Variants in PCNX3 observed in about 807,000 individuals in gnomAD.
The protein encoded by PCNX3 is pecanex-like protein 3.
In PCNX3, 58 loss-of-function variants were observed where a neutral mutation model predicts 207.2. The ratio of observed to expected loss-of-function variants is 0.28; its 90% CI spans 0.23 to 0.35. PCNX3 has a LOEUF of 0.35. PCNX3 is among the 10% of genes least tolerant of loss of function. PCNX3 has a pLI of 1.00. For synonymous variants in PCNX3, 1,337 were observed against 1,183.5 expected, an observed-to-expected ratio of 1.13 and a Z score of -2.66; for missense variants, 2,410 against 2,774.4, an observed-to-expected ratio of 0.87 and a Z score of 2.95.
intron 11 of PCNX3, among the ~76,000 whole-genome samples, chr11:65,622,908 T>C (rs1855184637): frequency 6.6e-6 from 1 of 151,654 alleles, no homozygotes; most frequent in African/African-American, 2.4e-5. Context: ...GGCCATCCTA[T>C]TCACTTTTTT....
In PCNX3 at chr11:65,623,973, T is replaced by C; in HGVS notation, c.2544+12T>C. ...CGTCCCCCATGCACGTGAGTACCCA[T>C]GGAGCAGCGCCTCTGGCCAGGAGGC... On this transcript the variant is annotated intron_variant, in intron 13 of 34. Coordinates refer to ENST00000355703, the MANE Select transcript of PCNX3 (RefSeq NM_032223.4). 6.2e-7 allele frequency: 1 copy of C among 1,610,946 alleles called. No individual in the cohort carries two copies. The highest frequency in any genetic ancestry group is 8.5e-7 in the Non-Finnish European group (1 of 1,179,820).
rs1854790149 is a variant in PCNX3, at chr11:65,617,260, G to A, written c.352G>A (p.Val118Met). The change falls in exon 3 of 35, where the codon GTG (valine) becomes ATG (methionine). Residue 118 changes from valine to methionine, a missense_variant. Transcript: ENST00000355703. ...CTTTTTCACCGCCAGGGACCCCGGAGTGGAGATGACAGTGTTCCGGAAAGT... is the reference window on the plus strand; with the variant it reads ...CTTTTTCACCGCCAGGGACCCCGGAATGGAGATGACAGTGTTCCGGAAAGT... Reference protein sequence around the residue: ...GDSNPPRDPGVEMTVFRKVSS... With the variant: ...GDSNPPRDPGMEMTVFRKVSS... 1 of 1,605,652 alleles carries A rather than the reference G, an allele frequency of 6.2e-7. No homozygotes were observed.
Position 65,619,061 on chromosome 11 carries a change from G to A in PCNX3, c.1699G>A (p.Gly567Arg), listed in dbSNP as rs1056323965. Residue 567 changes from glycine (G) to arginine (R), a missense_variant, in exon 6 of 35, where the codon GGG becomes AGG. This residue lies in a region of PCNX3 where 1,104 missense variants were observed against 970.3 expected (regional missense o/e 1.14). Transcript: ENST00000355703. ...GGAGCTGCAGGAGGAAGGTGCTGTG[G>A]GGGGAGGTGAGTGCTTGCTCTAGAG... ...RGELQEEGAV[G>R]GAAEETGRRD... is the part of the protein sequence containing the mutation. The A allele has an allele frequency of 6.3e-7, 1 of 1,588,836 alleles. No individual in the cohort carries two copies. The highest frequency in any genetic ancestry group is 1.1e-5 in the South Asian group (1 of 89,656).
chr11:65,624,490 C>T lies in PCNX3; in HGVS notation c.2736C>T (p.Pro912=). Residue 912 remains proline, a synonymous_variant, in exon 15 of 35, where the codon CCC becomes CCT. Transcript: ENST00000355703. ...TGCCAGTGTTCACCCTGTGCTTCCC[C>T]TTCGTCTTCCTCCTGGGCCTCCTGC... ...DVATVFTLCF[P]FVFLLGLLPQ... is the part of the protein sequence containing the mutation. 2 of 1,603,728 alleles carry T rather than the reference C, an allele frequency of 1.2e-6. No homozygotes were observed. Among genetic ancestry groups the T allele is most frequent in the Non-Finnish European group, 8.5e-7 (1 of 1,175,112 alleles).
At chr11:65,633,928 C>T (rs1384607351) in intron 27 of PCNX3, among the ~76,000 whole-genome samples, 198 bp from the exon 28 acceptor site, 1 of 152,254 alleles carries the variant, frequency 6.6e-6, no homozygotes, top group East Asian at 1.9e-4. Context: ...TTCCTGGCGG[C>T]TTTGTCACTC....
chr11:65,629,094 T>C, intron 24 of PCNX3, 146 bp downstream of exon 24: 8 of 1,275,332 alleles, frequency 6.3e-6, no homozygotes, highest in East Asian at 2.5e-5. Context: ...GCAGATCCAA[T>C]GCAGGGAGAG....
rs372706445 is a variant in PCNX3, at chr11:65,625,359, G to C, written c.3030-46G>C. 21 of 1,588,056 alleles carry C rather than the reference G, an allele frequency of 1.3e-5. No individual in the cohort carries two copies. In the South Asian group the frequency reaches 1.9e-4, roughly 14 times the overall value. ...TGTGCATGTGCCCGTGACTGGGGCCGGGGGGAAGGAGGGGCGGCCTCCTCC... is the reference window on the plus strand; with the variant it reads ...TGTGCATGTGCCCGTGACTGGGGCCCGGGGGAAGGAGGGGCGGCCTCCTCC... On this transcript the variant is annotated intron_variant, in intron 17 of 34. Transcript: ENST00000355703. The surrounding 1 kb of genome is among the most constrained non-coding windows in gnomAD (Gnocchi z 5.6).
rs375611306 is a variant in PCNX3, at chr11:65,618,530, C to T, written c.1168C>T (p.Arg390Trp). The change falls in exon 6 of 35, where the codon CGG becomes TGG. Residue 390 changes from arginine (R) to tryptophan (W), a missense_variant. By Grantham distance (101) the Arg-to-Trp change is moderately radical (BLOSUM62 -3). Around this residue, in one of 8 missense-constraint regions of PCNX3, gnomAD observed 1,104 missense variants for 970.3 expected, o/e 1.14. Coordinates refer to ENST00000355703, the MANE Select transcript of PCNX3 (RefSeq NM_032223.4). Reference protein sequence around the residue: ...VVRPKDLALLRPSKRQPPLRR... With the variant: ...VVRPKDLALLWPSKRQPPLRR... ...GCGGCCCAAGGACTTGGCCCTGCTA[C>T]GGCCTAGCAAACGGCAGCCACCCCT... The T allele has an allele frequency of 1.2e-5, 20 of 1,611,228 alleles. No homozygotes were observed. The highest frequency in any genetic ancestry group is 3.3e-5 in the South Asian group (3 of 90,992).
rs776500079 is a variant in PCNX3, at chr11:65,623,901, G to A, written c.2512-28G>A. On this transcript the variant is annotated intron_variant, in intron 12 of 34. Transcript: ENST00000355703. ...GACCATCCCGTGGGCATCGGCTCTA[G>A]TTGCCAACGTAGCCCTGTCTCTTCC... 3.1e-6 allele frequency: 5 copies of A among 1,612,496 alleles called. No homozygotes were observed. The South Asian group carries it at 5.5e-5, about 18-fold the overall frequency.
chr11:65,624,958 T>A lies in PCNX3; in HGVS notation c.2861T>A (p.Leu954His). The change falls in exon 16 of 35, where the codon CTC becomes CAC. Residue 954 changes from leucine (L) to histidine (H), a missense_variant. By Grantham distance (99) the Leu-to-His change is moderately conservative. Around this residue, in one of 8 missense-constraint regions of PCNX3, gnomAD observed 333 missense variants for 386.8 expected, o/e 0.86. Coordinates refer to ENST00000355703, the MANE Select transcript of PCNX3 (RefSeq NM_032223.4). Reference protein sequence around the residue: ...ATSPLTAVFSLSRSLLAAALL... With the variant: ...ATSPLTAVFSHSRSLLAAALL... ...AGCCCGCTCACGGCAGTCTTCAGCCTCTCCCGCAGCCTGCTGGCTGCTGCC... is the reference window on the plus strand; with the variant it reads ...AGCCCGCTCACGGCAGTCTTCAGCCACTCCCGCAGCCTGCTGGCTGCTGCC... 1 of 1,612,300 alleles carries A rather than the reference T, an allele frequency of 6.2e-7. No homozygotes were observed. Among genetic ancestry groups the A allele is most frequent in the Non-Finnish European group, 8.5e-7 (1 of 1,179,526 alleles).
Position 65,616,692 on chromosome 11 carries a change from G to A in PCNX3, c.154-132G>A, listed in dbSNP as rs1395531893. On this transcript the variant is annotated intron_variant, in intron 1 of 34. Transcript: ENST00000355703. The stretch of plus-strand genomic sequence containing the variant: ...AATACAGAGCCCTTTGTCGAGGTCT[G>A]TGTACTGGTTGTGTGGAGAGGTGAT... 4.6e-6 allele frequency: 5 copies of A among 1,086,580 alleles called. No homozygotes were observed. The East Asian group carries it at 1.0e-4, about 22-fold the overall frequency. The allele number at this position is 1,086,580 out of a possible 1,614,324, so 67.3% of individuals were successfully genotyped here.
At chr11:65,623,896 C>T (rs1257494174) in intron 12 of PCNX3, 33 bp from the exon 13 acceptor site, 7 of 1,612,412 alleles carry the variant, frequency 4.3e-6, no homozygotes, top group Non-Finnish European at 5.9e-6. Flanking sequence ...TGGGCATCGG[C>T]TCTAGTTGCC....
chr11:65,635,949 A>T lies in PCNX3; in HGVS notation c.5459+146A>T. ...CTCCCAGAGCTGACCTGCCCCTCCT[A>T]GATGTCACCTTACCCCCAGAGCTGA... On this transcript the variant is annotated intron_variant, in intron 32 of 34. Transcript: ENST00000355703. This position sits in a 1 kb window ranked among gnomAD's most constrained non-coding sequence, Gnocchi z 9.9. 1 of 1,288,946 alleles carries T rather than the reference A, an allele frequency of 7.8e-7. No homozygotes were observed. The highest frequency in any genetic ancestry group is 1.0e-6 in the Non-Finnish European group (1 of 954,360). The allele number at this position is 1,288,946 out of a possible 1,614,324, so 79.8% of individuals were successfully genotyped here. A position where few individuals can be genotyped will look rare whatever the true frequency, so the allele number is the denominator to read the frequency against.
Position 65,620,826 on chromosome 11 carries a change from C to T in PCNX3, c.2100-5C>T. ...GGGGGATCCTGATGGCTGCTGTTCT[C>T]ACAGGGACCGACACTCGCATTCCTC... On this transcript the variant is annotated splice_region_variant and splice_polypyrimidine_tract_variant and intron_variant, in intron 9 of 34. Transcript: ENST00000355703. 1.3e-6 allele frequency: 2 copies of T among 1,595,130 alleles called. No homozygotes were observed. The highest frequency in any genetic ancestry group is 1.7e-6 in the Non-Finnish European group (2 of 1,171,966).
intron 8 of PCNX3, among the ~76,000 whole-genome samples, 175 bp downstream of exon 8, chr11:65,620,107 A>G (rs1855007192): frequency 6.6e-6 from 1 of 152,188 alleles, no homozygotes. Flanking sequence ...TGCTCTGCTG[A>G]TGAGGAAACA....
At chr11:65,616,775 G>T (rs776301825) in intron 1 of PCNX3, 49 bp from the exon 2 acceptor site, 1 of 1,574,254 alleles carries the variant, frequency 6.4e-7, no homozygotes, top group Non-Finnish European at 8.7e-7. Flanking sequence ...GGTACATCCT[G>T]TGGGGGCGAG....
Position 65,627,016 on chromosome 11 carries a change from AG to A in PCNX3, c.3493del (p.Val1165SerfsTer16). 1 of 1,536,048 alleles carries A rather than the reference AG, an allele frequency of 6.5e-7. No individual in the cohort carries two copies. The highest frequency in any genetic ancestry group is 8.8e-7 in the Non-Finnish European group (1 of 1,139,370). ...ACGCCCTCACGGTGGACGCCCACAC[AG>A]TCGTCAGCCACCCGGACAAGTACTG... ...LNALTVDAHT[V>X]VSHPDKYCFY... is the part of the protein sequence containing the mutation. On this transcript the variant is annotated frameshift_variant, in exon 21 of 35. Transcript: ENST00000355703. LOFTEE classifies it high-confidence loss of function.
intron 11 of PCNX3, among the ~76,000 whole-genome samples, chr11:65,623,160 C>A (rs893089776): frequency 1.3e-4 from 20 of 152,238 alleles, no homozygotes; most frequent in Admixed American, 1.2e-3. Context: ...GCGTGGCACG[C>A]CCAAGGCAGC....
chr11:65,619,034 G>C lies in PCNX3; in HGVS notation c.1672G>C (p.Gly558Arg). ...CGCTGCCAACCAGCCCGGCTGGCGG[G>C]GGGAGCTGCAGGAGGAAGGTGCTGT... is the stretch of plus-strand genomic sequence containing the variant. Reference protein sequence around the residue: ...GPAANQPGWRGELQEEGAVGG... With the variant: ...GPAANQPGWRRELQEEGAVGG... Residue 558 changes from glycine (G) to arginine (R), a missense_variant, in exon 6 of 35, where the codon GGG (glycine) becomes CGG (arginine). By Grantham distance (125) the Gly-to-Arg change is moderately radical. Around this residue, in one of 8 missense-constraint regions of PCNX3, gnomAD observed 1,104 missense variants for 970.3 expected, o/e 1.14. Transcript: ENST00000355703. 2 of 1,593,624 alleles carry C rather than the reference G, an allele frequency of 1.3e-6. No individual in the cohort carries two copies. Among genetic ancestry groups the C allele is most frequent in the Non-Finnish European group, 8.5e-7 (1 of 1,177,690 alleles).
Sources: gnomAD v4.1 joint callset for allele counts (sites outside exome capture counted in the v4.1 genomes callset) on GRCh38, gnomAD v4.1.1 for gene constraint, gnomAD v4.1.1 regional missense constraint, Gnocchi (gnomAD v3.1) non-coding constraint, MANE v1.5 for transcripts, NCBI Gene and HGNC (gene_info 2026-07-23, HGNC 2026-07-21) for gene names.